The following MTF2 variants were observed in gnomAD, a reference collection of about 807,000 sequenced individuals.
MTF2 encodes the protein metal-response element-binding transcription factor 2.
MTF2 carries 11 observed loss-of-function variants against 79.5 expected under a neutral mutation model. That is an observed-to-expected ratio of 0.14 (90% CI 0.09 to 0.23). The LOEUF is 0.23. Ranked by LOEUF, MTF2 falls within the 10% of genes least tolerant of loss-of-function variation. The probability of loss-of-function intolerance (pLI) is 1.00; values close to 1 mark genes in which losing one functional copy is unlikely to be tolerated. For synonymous variants in MTF2, 208 were observed against 232.8 expected (o/e 0.89, Z 0.97); for missense variants, 486 against 711.2 (o/e 0.68, Z 3.60).
chr1:93,086,226 G>A (rs1373722069), intron 1 of MTF2, among the ~76,000 whole-genome samples: 3 of 152,256 alleles, frequency 2.0e-5, no homozygotes, highest in African/African-American at 4.8e-5. Flanking sequence ...GGAGGAGGCC[G>A]GGTGCATTGG....
intron 1 of MTF2, among the ~76,000 whole-genome samples, chr1:93,106,817 T>C (rs1655813370): frequency 6.6e-6 from 1 of 152,166 alleles, no homozygotes. Flanking sequence ...CACCGCATCC[T>C]GCCCCTTAAA....
chr1:93,105,420 C>T (rs6689007), intron 1 of MTF2, among the ~76,000 whole-genome samples: 134,258 of 152,148 alleles, frequency 0.88, 59,627 homozygotes, highest in East Asian at 0.95. Flanking sequence ...GGGAGGGTGC[C>T]CAGAGAGAAG....
At chr1:93,119,557 A>G in intron 8 of MTF2, 156 bp downstream of exon 8, 1 of 572,636 alleles carries the variant, frequency 1.7e-6, no homozygotes, top group South Asian at 2.6e-5. Context: ...TGTCATCTTC[A>G]CTAAGTAACA....
At chr1:93,090,614 A>C (rs1290179669) in intron 1 of MTF2, among the ~76,000 whole-genome samples, 2 of 151,840 alleles carry the variant, frequency 1.3e-5, no homozygotes, top group Non-Finnish European at 2.9e-5. Context: ...TGAAAGTAAG[A>C]GAGTAGGATT....
intron 14 of MTF2, chr1:93,134,523 A>AT (rs61593326): frequency 0.08 from 15,191 of 189,898 alleles, 1,997 homozygotes; most frequent in African/African-American, 0.31. Flanking sequence ...GGAAGATATG[A>AT]TTTTTTTTTT....
intron 1 of MTF2, among the ~76,000 whole-genome samples, chr1:93,102,242 A>G (rs1341731640): frequency 2.0e-5 from 3 of 152,236 alleles, no homozygotes; most frequent in Non-Finnish European, 4.4e-5. Flanking sequence ...TTATCATGAC[A>G]GTGATTAACA....
intron 1 of MTF2, among the ~76,000 whole-genome samples, chr1:93,094,101 T>A (rs1655184679): frequency 6.6e-6 from 1 of 152,206 alleles, no homozygotes. Context: ...TTTTTTTTGT[T>A]CAGTTTGCTG....
intron 11 of MTF2, among the ~76,000 whole-genome samples, chr1:93,133,025 C>CT (rs1656984075): frequency 6.6e-6 from 1 of 151,766 alleles, no homozygotes; most frequent in African/African-American, 2.4e-5. Context: ...GCCTATTGCA[C>CT]TTTTTTCCTT....
chr1:93,129,010 C>T (rs1656816463), intron 10 of MTF2: 2 of 259,524 alleles, frequency 7.7e-6, no homozygotes, highest in African/African-American at 2.2e-5. Context: ...GTTCTTCTTT[C>T]TTCCTTTAAA....
chr1:93,107,125 G>A (rs1029172951), intron 1 of MTF2, among the ~76,000 whole-genome samples: 1 of 152,078 alleles, frequency 6.6e-6, no homozygotes, highest in Non-Finnish European at 1.5e-5. Context: ...TCAAGGCAGC[G>A]GCATCAAACT....
intron 7 of MTF2, 23 bp from the exon 8 acceptor site, chr1:93,119,310 T>C (rs1206256090): frequency 3.3e-6 from 5 of 1,518,126 alleles, no homozygotes; most frequent in African/African-American, 1.5e-5. Context: ...TATAAAACTT[T>C]TTCTTTTTTT....
intron 1 of MTF2, among the ~76,000 whole-genome samples, chr1:93,104,961 G>A (rs941864392): frequency 1.3e-5 from 2 of 151,770 alleles, no homozygotes; most frequent in African/African-American, 4.8e-5. Flanking sequence ...TCGAGACCAA[G>A]GTGAAACCCC....
chr1:93,134,049 A>G, intron 13 of MTF2, 42 bp from the exon 14 acceptor site: 1 of 1,548,542 alleles, frequency 6.5e-7, no homozygotes, highest in Non-Finnish European at 8.8e-7. Flanking sequence ...TTTGTTTGTT[A>G]TATAATATAG....
At chr1:93,091,632 A>G (rs1655079299) in intron 1 of MTF2, among the ~76,000 whole-genome samples, 1 of 152,254 alleles carries the variant, frequency 6.6e-6, no homozygotes, top group Non-Finnish European at 1.5e-5. Context: ...GAAAGTAAGA[A>G]TGTTTTAAAC....
chr1:93,095,623 C>T (rs937869787), intron 1 of MTF2, among the ~76,000 whole-genome samples: 6 of 149,528 alleles, frequency 4.0e-5, no homozygotes, highest in African/African-American at 9.9e-5. Flanking sequence ...GGATTGCAGG[C>T]GTGAGCCACC....
chr1:93,090,399 A>G (rs1655026969), intron 1 of MTF2, among the ~76,000 whole-genome samples: 1 of 152,242 alleles, frequency 6.6e-6, no homozygotes, highest in East Asian at 1.9e-4. Context: ...GGCGTGAGCC[A>G]CTGCGCCTGG....
At chr1:93,084,095 G>A (rs567155774) in intron 1 of MTF2, among the ~76,000 whole-genome samples, 13 of 150,972 alleles carry the variant, frequency 8.6e-5, no homozygotes, top group African/African-American at 1.2e-4. Context: ...TTTTGATGCC[G>A]TATCTAAAGA....
chr1:93,112,314 A>C (rs1039216582), intron 3 of MTF2, among the ~76,000 whole-genome samples: 12 of 152,198 alleles, frequency 7.9e-5, no homozygotes, highest in Non-Finnish European at 1.5e-5. Flanking sequence ...TCTTCCCTGT[A>C]AGAAATCTGC....
intron 1 of MTF2, among the ~76,000 whole-genome samples, chr1:93,084,711 A>C (rs558298206): frequency 6.6e-6 from 1 of 152,098 alleles, no homozygotes; most frequent in African/African-American, 2.4e-5. Context: ...CTTCTGTTAA[A>C]TTTATTCCTG....
Sources: gnomAD v4.1 joint callset for allele counts (sites outside exome capture counted in the v4.1 genomes callset) on GRCh38, gnomAD v4.1.1 for gene constraint, MANE v1.5 for transcripts, NCBI Gene and HGNC (gene_info 2026-07-23, HGNC 2026-07-21) for gene names.